Variants in MYO15B observed in about 807,000 individuals in gnomAD.
The protein encoded by MYO15B is myosin XVB.
A neutral mutation model predicts 119.3 loss-of-function variants in MYO15B; 207 were observed. The observed-to-expected ratio is 1.73, with a 90% CI of 1.55 to 1.95. MYO15B has a LOEUF of 1.95. Among genes scored for constraint, MYO15B ranks in the 30% most tolerant of loss-of-function variants. MYO15B has a pLI of 0.00. For synonymous variants in MYO15B, 966 were observed against 498.9 expected (o/e 1.94, Z -12.48); for missense variants, 2,264 against 1,203.1 (o/e 1.88, Z -13.04).
chr17:75,614,394 G>A, intron 30 of MYO15B, 34 bp downstream of exon 30: 2 of 695,346 alleles, frequency 2.9e-6, no homozygotes, highest in African/African-American at 1.7e-5. Flanking sequence ...TCCCTGGCCT[G>A]CTCCTGCCGG....
At chr17:75,621,531 A>G in exon 52 of MYO15B, 2 of 702,272 alleles carry the variant, frequency 2.8e-6, no homozygotes, top group Non-Finnish European at 5.2e-6. Context: ...CCTCAGCCTC[A>G]GTGATGATGT....
intron 47 of MYO15B, 45 bp downstream of exon 47, chr17:75,620,065 C>T: frequency 1.5e-6 from 1 of 681,038 alleles, no homozygotes; most frequent in East Asian, 2.7e-5. Flanking sequence ...ACAGCCCTCA[C>T]CGATGCTGCA....
At chr17:75,595,493 C>T (rs1354021574) in intron 12 of MYO15B, among the ~76,000 whole-genome samples, 1 of 152,192 alleles carries the variant, frequency 6.6e-6, no homozygotes, top group Non-Finnish European at 1.5e-5. Flanking sequence ...TGGCCTTGGG[C>T]AAGTGGATGA....
intron 62 of MYO15B, 21 bp downstream of exon 62, chr17:75,625,998 A>G (rs1300167299): frequency 1.4e-6 from 1 of 699,934 alleles, no homozygotes; most frequent in East Asian, 2.7e-5. Flanking sequence ...CTCTTGCCTC[A>G]GCACTGGCCT....
In MYO15B at chr17:75,602,848, C is replaced by T. The variant is rs1481091878; in HGVS notation, c.3748C>T (p.Gln1250Ter). Residue 1250 changes from glutamine to a stop codon, truncating the protein, a stop_gained, in exon 17 of 64, where the codon CAG becomes TAG. Coordinates refer to ENST00000645453, the Ensembl canonical transcript of MYO15B. LOFTEE classifies it high-confidence loss of function. The stretch of plus-strand genomic sequence containing the variant: ...CCCACAGCTGGTGGGCAGCCTGTTC[C>T]AGGAGGCAGAGCCCCAGTCCAGGGG... 6 of 638,028 alleles carry T rather than the reference C, an allele frequency of 9.4e-6. No individual in the cohort carries two copies. In the Admixed American group the frequency reaches 1.2e-4, roughly 13 times the overall value. 39.5% of individuals were successfully genotyped at this position (638,028 alleles called of 1,614,324 possible).
chr17:75,590,963 T>G (rs1158899855), exon 3 of MYO15B: 1 of 564,652 alleles, frequency 1.8e-6, no homozygotes. Context: ...TGCCTCTTTT[T>G]TCACCTGAGG....
chr17:75,594,736 C>T (rs2305524), exon 11 of MYO15B: 170,794 of 702,938 alleles, frequency 0.24, 23,072 homozygotes, highest in Non-Finnish European at 0.3. Flanking sequence ...GATCCCTGCC[C>T]GTGGAAAGTG....
At position 75,618,110 on chromosome 17, in the gene MYO15B, C is replaced by T. The variant is rs1305844487; in HGVS notation, c.6928-16C>T. 2 of 703,070 alleles carry T rather than the reference C, an allele frequency of 2.8e-6. No homozygotes were observed. Among genetic ancestry groups the T allele is most frequent in the East Asian group, 5.4e-5 (2 of 37,296 alleles). 43.6% of individuals were successfully genotyped at this position (703,070 alleles called of 1,614,324 possible). The stretch of plus-strand genomic sequence containing the variant: ...ACCAGACCCACCGATCTTTGCCCTT[C>T]TGTGCCCTCCTCCAGGTGTTCTACC... On this transcript the variant is annotated splice_polypyrimidine_tract_variant and intron_variant, in intron 42 of 63. Transcript: ENST00000645453.
chr17:75,619,518 A>G, intron 45 of MYO15B, 42 bp downstream of exon 45: 1 of 694,760 alleles, frequency 1.4e-6, no homozygotes, highest in East Asian at 2.7e-5. Flanking sequence ...CCAGGCCCCC[A>G]GCCTGGATCC....
At chr17:75,601,610 T>C in intron 15 of MYO15B, 47 bp downstream of exon 15, 1 of 689,530 alleles carries the variant, frequency 1.5e-6, no homozygotes, top group South Asian at 1.5e-5. Context: ...GAGGGCAGTG[T>C]CCCCTCCCAA....
intron 23 of MYO15B, 141 bp from the exon 24 acceptor site, chr17:75,611,460 C>T (rs1163385109): frequency 6.6e-6 from 4 of 606,640 alleles, no homozygotes; most frequent in African/African-American, 2.1e-5. Context: ...CAGAGTGAGA[C>T]CCTGCCTCAA....
intron 29 of MYO15B, 78 bp from the exon 30 acceptor site, chr17:75,614,121 G>GT (rs1293065300): frequency 1.5e-5 from 10 of 668,616 alleles, no homozygotes; most frequent in Non-Finnish European, 2.5e-5. Context: ...TCAGCCCCCT[G>GT]CCCCCTTGGC....
chr17:75,610,929 C>G (rs187408737), exon 23 of MYO15B: 5 of 702,996 alleles, frequency 7.1e-6, no homozygotes, highest in Admixed American at 2.0e-5. Context: ...GGCATAGCAG[C>G]GAAAGGGCCT....
At chr17:75,595,219 C>A (rs1054088036) in intron 12 of MYO15B, among the ~76,000 whole-genome samples, 5 of 152,302 alleles carry the variant, frequency 3.3e-5, no homozygotes, top group Middle Eastern at 3.4e-3. Context: ...GGGCTGTCTG[C>A]GCGCCTTGGA....
intron 5 of MYO15B, 31 bp downstream of exon 5, chr17:75,591,743 T>C (rs952859617): frequency 4.3e-6 from 3 of 702,618 alleles, no homozygotes; most frequent in Non-Finnish European, 7.8e-6. Flanking sequence ...ACCTCATGGG[T>C]TGAGCTGGCC....
intron 22 of MYO15B, 196 bp from the exon 23 acceptor site, chr17:75,610,704 G>A (rs2057970180): frequency 3.4e-6 from 2 of 580,460 alleles, no homozygotes; most frequent in Admixed American, 5.9e-5. Context: ...CTGGCAGATG[G>A]GCACAGACGC....
chr17:75,596,361 G>A (rs887090450), intron 12 of MYO15B, 99 bp from the exon 13 acceptor site: 3 of 668,082 alleles, frequency 4.5e-6, no homozygotes, highest in Non-Finnish European at 8.2e-6. Context: ...TCAGCCCTGG[G>A]TATTACTCAT....
At chr17:75,615,042 G>A (rs753141708) in exon 33 of MYO15B, 2 of 702,704 alleles carry the variant, frequency 2.8e-6, no homozygotes, top group South Asian at 3.0e-5. Context: ...CTACCCCATG[G>A]GTGAGTGAGG....
Position 75,616,706 on chromosome 17 carries a change from C to T in MYO15B, c.6427C>T (p.Pro2143Ser), listed in dbSNP as rs1385259311. The stretch of plus-strand genomic sequence containing the variant: ...AGACTCCAAGCCCAAGCGGCCACAA[C>T]CCAGCAGGGAAATTGGCAACATCAT... The change falls in exon 39 of 64, where the codon CCC becomes TCC. Residue 2143 changes from proline (P) to serine (S), a missense_variant. Coordinates refer to ENST00000645453, the Ensembl canonical transcript of MYO15B. The T allele has an allele frequency of 7.4e-5, 52 of 702,924 alleles. No individual in the cohort carries two copies. The Admixed American group carries it at 1.0e-3, about 14-fold the overall frequency. 43.5% of individuals were successfully genotyped at this position (702,924 alleles called of 1,614,324 possible).
Sources: gnomAD v4.1 joint callset for allele counts (sites outside exome capture counted in the v4.1 genomes callset) on GRCh38, gnomAD v4.1.1 for gene constraint, MANE v1.5 for transcripts, NCBI Gene and HGNC (gene_info 2026-07-23, HGNC 2026-07-21) for gene names.